Variants in CADPS observed in about 807,000 individuals in gnomAD.
The protein encoded by CADPS is calcium-dependent secretion activator 1.
A neutral mutation model predicts 167.3 loss-of-function variants in CADPS; 57 were observed. The ratio of observed to expected loss-of-function variants is 0.34; its 90% confidence interval spans 0.28 to 0.42. CADPS has a LOEUF of 0.42. Ranked by LOEUF, CADPS falls within the 20% of genes least tolerant of loss-of-function variation. The pLI is 1.00. For missense variants in CADPS, 1,414 were observed against 1,738.1 expected (o/e 0.81, Z 3.32); for synonymous variants, 676 against 635.3 (o/e 1.06, Z -0.96).
intron 1 of CADPS, among the ~76,000 whole-genome samples, chr3:62,784,467 TC>T (rs1369122291): frequency 6.6e-6 from 1 of 152,102 alleles, no homozygotes; most frequent in Non-Finnish European, 1.5e-5. Context: ...CTGTTGCAAC[TC>T]CCAATAAAAT....
intron 28 of CADPS, among the ~76,000 whole-genome samples, chr3:62,436,826 AG>A (rs2055162207): frequency 6.6e-6 from 1 of 152,088 alleles, no homozygotes; most frequent in Non-Finnish European, 1.5e-5. Context: ...CAGGGGAAAG[AG>A]GGGTATCAAG....
intron 1 of CADPS, among the ~76,000 whole-genome samples, chr3:62,770,895 T>A (rs771135496): frequency 7.9e-5 from 12 of 152,198 alleles, no homozygotes; most frequent in Non-Finnish European, 1.8e-4. Context: ...TTGCCTGTTT[T>A]TGAACTTGGT....
At chr3:62,529,599 C>T (rs759137074) in intron 13 of CADPS, among the ~76,000 whole-genome samples, 11 of 152,222 alleles carry the variant, frequency 7.2e-5, no homozygotes, top group Non-Finnish European at 1.5e-4. Flanking sequence ...TCACCTCTAT[C>T]CTTACATATT....
chr3:62,691,986 T>A (rs575608793), intron 3 of CADPS, among the ~76,000 whole-genome samples: 1 of 150,586 alleles, frequency 6.6e-6, no homozygotes, highest in South Asian at 2.1e-4. Flanking sequence ...TGGTCTTATC[T>A]TATGAAATAA....
intron 27 of CADPS, 77 bp downstream of exon 27, chr3:62,445,688 C>T (rs2057088182): frequency 9.2e-7 from 1 of 1,088,582 alleles, no homozygotes; most frequent in Admixed American, 3.1e-5. Flanking sequence ...TATCAAAATT[C>T]TCATGAAAAC....
At chr3:62,418,261 T>C (rs2050549841) in intron 28 of CADPS, among the ~76,000 whole-genome samples, 1 of 151,674 alleles carries the variant, frequency 6.6e-6, no homozygotes, top group Non-Finnish European at 1.5e-5. Flanking sequence ...TTCCTGTTTC[T>C]GAGCCTTCAG....
chr3:62,655,546 TA>T (rs1226222813), intron 4 of CADPS, among the ~76,000 whole-genome samples: 1 of 152,158 alleles, frequency 6.6e-6, no homozygotes, highest in Non-Finnish European at 1.5e-5. Flanking sequence ...GGAACATCTT[TA>T]AAAATAGCAT....
At chr3:62,549,291 A>G (rs1255277326) in intron 11 of CADPS, among the ~76,000 whole-genome samples, 1 of 152,222 alleles carries the variant, frequency 6.6e-6, no homozygotes, top group Admixed American at 6.5e-5. Context: ...CATTTTAGGT[A>G]GCAAGAAGAC....
intron 6 of CADPS, among the ~76,000 whole-genome samples, chr3:62,598,077 T>G (rs2059176428): frequency 6.6e-6 from 1 of 152,174 alleles, no homozygotes; most frequent in Non-Finnish European, 1.5e-5. Flanking sequence ...GTATTTCCTC[T>G]CCTCAAATCC....
chr3:62,862,792 T>C (rs1251446374), intron 1 of CADPS, among the ~76,000 whole-genome samples: 1 of 152,226 alleles, frequency 6.6e-6, no homozygotes, highest in Non-Finnish European at 1.5e-5. Flanking sequence ...GCCCAGGCCA[T>C]TCTTACTGTA....
intron 10 of CADPS, among the ~76,000 whole-genome samples, chr3:62,557,142 TA>T (rs1285302593): frequency 2.6e-5 from 4 of 151,858 alleles, no homozygotes; most frequent in African/African-American, 7.3e-5. Flanking sequence ...TACAGGCAGG[TA>T]AAAGAAAAAT....
chr3:62,464,613 T>A lies in CADPS; in HGVS notation c.3636+754A>T, dbSNP rs1394866384. ...ATCCATAGAAAATAAGGCTGGTTTC[T>A]GCCCAGACTTAGCTACCTCATTTCT... On this transcript the variant is annotated intron_variant, in intron 26 of 29. Coordinates refer to ENST00000383710, the MANE Select transcript of CADPS (RefSeq NM_003716.4). Among the ~76,000 whole-genome samples the A allele has an allele frequency of 1.2e-4, 18 of 152,220 alleles. 1 individual carries two copies. The highest frequency in any genetic ancestry group is 1.2e-3 in the Admixed American group (18 of 15,282).
intron 28 of CADPS, among the ~76,000 whole-genome samples, chr3:62,436,014 T>C (rs930677070): frequency 1.3e-5 from 2 of 152,164 alleles, no homozygotes; most frequent in East Asian, 3.8e-4. Flanking sequence ...ATTTTGCCTG[T>C]GGTCTTCAAC....
At chr3:62,678,228 T>C (rs2076620962) in intron 3 of CADPS, among the ~76,000 whole-genome samples, 1 of 151,968 alleles carries the variant, frequency 6.6e-6, no homozygotes, top group Admixed American at 6.6e-5. Flanking sequence ...CAGAGCCGAA[T>C]CAGAATAAGA....
At chr3:62,795,907 G>T (rs1343071950) in intron 1 of CADPS, among the ~76,000 whole-genome samples, 1 of 152,134 alleles carries the variant, frequency 6.6e-6, no homozygotes, top group Non-Finnish European at 1.5e-5. Context: ...CCAGGTGGAG[G>T]GAACAACATC....
chr3:62,409,365 C>A (rs959115874), intron 28 of CADPS, among the ~76,000 whole-genome samples: 4 of 152,248 alleles, frequency 2.6e-5, no homozygotes, highest in Admixed American at 2.6e-4. Context: ...GTGGGTAGGA[C>A]AACGCTGTTG....
chr3:62,544,109 A>G lies in CADPS; in HGVS notation c.1966+5794T>C, dbSNP rs2076111263. ...CATTGTAAGACTGTGAATCCAAAGC[A>G]TTTGTAAATGAGTGACATGGATTCA... is the stretch of plus-strand genomic sequence containing the variant. On this transcript the variant is annotated intron_variant, in intron 11 of 29. Transcript: ENST00000383710. This position sits in a 1 kb window ranked among gnomAD's most constrained non-coding sequence, Gnocchi z 4.4. Among the ~76,000 whole-genome samples the G allele has an allele frequency of 6.6e-6, 1 of 152,030 alleles. No homozygotes were observed. Among genetic ancestry groups the G allele is most frequent in the South Asian group, 2.1e-4 (1 of 4,818 alleles).
At chr3:62,855,886 T>C (rs1559950407) in intron 1 of CADPS, among the ~76,000 whole-genome samples, 2 of 152,218 alleles carry the variant, frequency 1.3e-5, no homozygotes, top group African/African-American at 4.8e-5. Flanking sequence ...ATTTTTATAC[T>C]TTTTCCCTAA....
chr3:62,858,097 A>G (rs1577439110), intron 1 of CADPS, among the ~76,000 whole-genome samples: 1 of 152,188 alleles, frequency 6.6e-6, no homozygotes, highest in East Asian at 1.9e-4. Context: ...TTTTTACTGT[A>G]AATAAGAAAA....
Sources: allele counts gnomAD v4.1 joint callset (sites outside exome capture counted in the v4.1 genomes callset), GRCh38; gene constraint gnomAD v4.1.1; non-coding constraint Gnocchi (gnomAD v3.1); transcripts MANE v1.5; gene names NCBI Gene and HGNC (gene_info 2026-07-23, HGNC 2026-07-21).